The following MTMR12 variants were observed in gnomAD, a reference collection of about 807,000 sequenced individuals.
The protein encoded by MTMR12 is myotubularin-related protein 12.
MTMR12 carries 33 observed loss-of-function variants against 96.7 expected under a neutral mutation model. That is an observed-to-expected ratio of 0.34 (90% confidence interval 0.26 to 0.46). The LOEUF (loss-of-function observed/expected upper bound fraction) is 0.46. Ranked by LOEUF, MTMR12 falls within the 20% of genes least tolerant of loss-of-function variation. The probability of loss-of-function intolerance (pLI) is 1.00; values close to 1 mark genes in which losing one functional copy is unlikely to be tolerated. For missense variants in MTMR12, 721 were observed against 896.1 expected (o/e 0.80, Z 2.49); for synonymous variants, 298 against 327.2 (o/e 0.91, Z 0.96).
At chr5:32,297,431 A>G (rs1000815288) in intron 1 of MTMR12, among the ~76,000 whole-genome samples, 1 of 152,224 alleles carries the variant, frequency 6.6e-6, no homozygotes, top group East Asian at 1.9e-4. Context: ...TCTCCAGGGC[A>G]GGGGAACAGG....
intron 4 of MTMR12, among the ~76,000 whole-genome samples, chr5:32,271,348 G>A (rs546099512): frequency 6.3e-4 from 95 of 151,988 alleles, no homozygotes; most frequent in African/African-American, 2.2e-3. Context: ...CCCAGAATGT[G>A]GACCCACTCA....
At chr5:32,292,334 C>G (rs1264791757) in intron 1 of MTMR12, among the ~76,000 whole-genome samples, 1 of 152,112 alleles carries the variant, frequency 6.6e-6, no homozygotes, top group Non-Finnish European at 1.5e-5. Context: ...TCACCATCAC[C>G]CCTAGTGATC....
In MTMR12 at chr5:32,227,574, C is replaced by T. The variant is rs1034442098; in HGVS notation, c.*2204G>A. ...GTAGAGTGTAAAGCATCACACCGGG[C>T]ATTTTTGGAATGAAAATTACAAAGC... On this transcript the variant is annotated 3_prime_UTR_variant, in exon 16 of 16. Coordinates refer to ENST00000382142, the MANE Select transcript of MTMR12 (RefSeq NM_001040446.3). 6.5e-6 allele frequency: 1 copy of T among 152,706 alleles called. No homozygotes were observed. The highest frequency in any genetic ancestry group is 2.1e-4 in the South Asian group (1 of 4,822). The allele number at this position is 152,706 out of a possible 1,614,324, so 9.5% of individuals were successfully genotyped here. A position where few individuals can be genotyped will look rare whatever the true frequency, so the allele number is the denominator to read the frequency against.
chr5:32,252,428 C>T (rs982793167), intron 8 of MTMR12, among the ~76,000 whole-genome samples: 5 of 152,248 alleles, frequency 3.3e-5, no homozygotes, highest in South Asian at 4.1e-4. Context: ...TAGCCCCAAA[C>T]TATCTCTTCA....
intron 6 of MTMR12, 101 bp from the exon 7 acceptor site, chr5:32,263,343 G>C (rs768859873): frequency 2.1e-6 from 3 of 1,399,798 alleles, no homozygotes; most frequent in Non-Finnish European, 2.0e-6. Flanking sequence ...CCTCCACTAA[G>C]CCCATTTTTA....
Position 32,233,884 on chromosome 5 carries a change from C to T in MTMR12, c.1563G>A (p.Val521=), listed in dbSNP as rs1371297324. ...TQSKPLNLLT[V]WDWSVQFEPK... Reference sequence around the variant, plus strand: ...GTTCAAACTGCACCGACCAATCCCACACGGTGAGCAGATTCAAAGGCTTGC... The same window carrying T: ...GTTCAAACTGCACCGACCAATCCCATACGGTGAGCAGATTCAAAGGCTTGC... Residue 521 remains valine (V), a synonymous_variant, in exon 15 of 16, where the codon GTG becomes GTA. Coordinates refer to ENST00000382142, the MANE Select transcript of MTMR12 (RefSeq NM_001040446.3). This position sits in a 1 kb window ranked among gnomAD's most constrained non-coding sequence, Gnocchi z 5.0. 5.6e-6 allele frequency: 9 copies of T among 1,614,210 alleles called. No homozygotes were observed. The Admixed American group carries it at 8.3e-5, about 15-fold the overall frequency.
chr5:32,283,266 T>C (rs1052684340), intron 1 of MTMR12, among the ~76,000 whole-genome samples: 5 of 152,218 alleles, frequency 3.3e-5, no homozygotes, highest in African/African-American at 1.2e-4. Context: ...TTGTGGACTG[T>C]AGACATCACA....
intron 1 of MTMR12, among the ~76,000 whole-genome samples, chr5:32,286,776 T>C (rs931366567): frequency 6.6e-6 from 1 of 152,202 alleles, no homozygotes; most frequent in Non-Finnish European, 1.5e-5. Context: ...CAAGGGTTTA[T>C]CTGACGAGGG....
At position 32,263,214 on chromosome 5, in the gene MTMR12, C is replaced by A. The variant is rs745368447; in HGVS notation, c.612G>T (p.Met204Ile). 3.7e-6 allele frequency: 6 copies of A among 1,614,114 alleles called. No individual in the cohort carries two copies. Among genetic ancestry groups the A allele is most frequent in the Non-Finnish European group, 5.1e-6 (6 of 1,180,006 alleles). Reference protein sequence around the residue: ...TVTDPKNHTVMFDTLKDWCWE... With the variant: ...TVTDPKNHTVIFDTLKDWCWE... ...AACACCAGTCCTTAAGTGTGTCAAA[C>A]ATTACGGTATGGTTCTTGGGATCAG... The change falls in exon 7 of 16, where the codon ATG becomes ATT. Residue 204 changes from methionine (M) to isoleucine (I), a missense_variant. Physicochemically the swap from Met to Ile is conservative, Grantham distance 10 (BLOSUM62 1). Coordinates refer to ENST00000382142, the MANE Select transcript of MTMR12 (RefSeq NM_001040446.3).
intron 1 of MTMR12, among the ~76,000 whole-genome samples, chr5:32,288,922 T>C (rs185486227): frequency 1.0e-3 from 158 of 152,286 alleles, no homozygotes; most frequent in African/African-American, 3.7e-3. Context: ...AGATATATCC[T>C]TGACCAATGC....
chr5:32,293,408 C>T (rs1414064064), intron 1 of MTMR12, among the ~76,000 whole-genome samples: 1 of 152,136 alleles, frequency 6.6e-6, no homozygotes, highest in Non-Finnish European at 1.5e-5. Flanking sequence ...ATCTTTCTCC[C>T]ATGCTGGATG....
intron 12 of MTMR12, among the ~76,000 whole-genome samples, chr5:32,240,210 C>T (rs1748411159): frequency 6.6e-6 from 1 of 151,954 alleles, no homozygotes; most frequent in Non-Finnish European, 1.5e-5. Flanking sequence ...ACCAGTCTGA[C>T]CAACATGGTG....
intron 7 of MTMR12, among the ~76,000 whole-genome samples, chr5:32,262,122 G>A (rs749290548): frequency 1.3e-5 from 2 of 152,040 alleles, no homozygotes; most frequent in African/African-American, 2.4e-5. Context: ...TGATGTGGAG[G>A]AAGAAACTCT....
At chr5:32,295,786 A>T (rs987599908) in intron 1 of MTMR12, among the ~76,000 whole-genome samples, 1 of 152,162 alleles carries the variant, frequency 6.6e-6, no homozygotes, top group Non-Finnish European at 1.5e-5. Context: ...AACTAAATAG[A>T]TGGTAAAGCC....
chr5:32,293,549 C>G (rs958885440), intron 1 of MTMR12, among the ~76,000 whole-genome samples: 2 of 152,132 alleles, frequency 1.3e-5, no homozygotes, highest in Non-Finnish European at 2.9e-5. Flanking sequence ...TTAATAAACT[C>G]CAGATATATA....
rs1157925853 is a variant in MTMR12, at chr5:32,290,292, G to T, written c.82-13550C>A. On this transcript the variant is annotated intron_variant, in intron 1 of 15. Transcript: ENST00000382142. The stretch of plus-strand genomic sequence containing the variant: ...CCTTGATCGCTTTTTGCTTCCACAA[G>T]GTATCACACTGGTCCATTACATTGA... Among the ~76,000 whole-genome samples the T allele has an allele frequency of 3.9e-5, 6 of 152,140 alleles. No individual in the cohort carries two copies. In the East Asian group the frequency reaches 1.2e-3, roughly 29 times the overall value.
At position 32,233,018 on chromosome 5, in the gene MTMR12, G is replaced by C. The variant is rs1748060744; in HGVS notation, c.1674+755C>G. On this transcript the variant is annotated intron_variant, in intron 15 of 15. Coordinates refer to ENST00000382142, the MANE Select transcript of MTMR12 (RefSeq NM_001040446.3). The surrounding 1 kb of genome is among the most constrained non-coding windows in gnomAD (Gnocchi z 5.0). Reference sequence around the variant, plus strand: ...GGGAGAAATTCTGGGCCTGGAGACAGAGCTAGGAAATGTCAGTTAAATAAT... The same window carrying C: ...GGGAGAAATTCTGGGCCTGGAGACACAGCTAGGAAATGTCAGTTAAATAAT... The C allele has an allele frequency of 5.1e-6, 5 of 984,294 alleles. No homozygotes were observed. The highest frequency in any genetic ancestry group is 1.7e-5 in the African/African-American group (1 of 57,224). The allele number at this position is 984,294 out of a possible 1,614,324, so 61.0% of individuals were successfully genotyped here. A position where few individuals can be genotyped will look rare whatever the true frequency, so the allele number is the denominator to read the frequency against.
chr5:32,260,733 G>A (rs1412871494), intron 7 of MTMR12, among the ~76,000 whole-genome samples: 1 of 151,216 alleles, frequency 6.6e-6, no homozygotes, highest in African/African-American at 2.4e-5. Flanking sequence ...GCAGGGCGGG[G>A]GGGAGGGGGA....
chr5:32,274,226 T>C (rs1749961521), intron 2 of MTMR12, 104 bp from the exon 3 acceptor site: 16 of 1,325,244 alleles, frequency 1.2e-5, no homozygotes, highest in Non-Finnish European at 1.7e-5. Flanking sequence ...AAACATACAA[T>C]ACAACACAGG....
Sources: gnomAD v4.1 joint callset for allele counts (sites outside exome capture counted in the v4.1 genomes callset) on GRCh38, gnomAD v4.1.1 for gene constraint, Gnocchi (gnomAD v3.1) non-coding constraint, MANE v1.5 for transcripts, NCBI Gene and HGNC (gene_info 2026-07-23, HGNC 2026-07-21) for gene names.